Variants in LINGO2 observed in about 807,000 individuals in gnomAD.
LINGO2 encodes the protein leucine-rich repeat and immunoglobulin-like domain-containing nogo receptor-interacting protein 2.
LINGO2 carries 14 observed loss-of-function variants against 30.6 expected under a neutral mutation model. The observed-to-expected ratio is 0.46, with a 90% confidence interval of 0.30 to 0.72. LINGO2 has a LOEUF of 0.72. LINGO2 is among the 30% of genes least tolerant of loss of function. The pLI, the probability that LINGO2 is intolerant of heterozygous loss-of-function variation, is 0.07. For missense variants in LINGO2, 729 were observed against 751.7 expected, an observed-to-expected ratio of 0.97 and a Z score of 0.35; for synonymous variants, 317 against 288.5, an observed-to-expected ratio of 1.10 and a Z score of -1.00.
At chr9:28,873,946 A>G in the LINGO2 span, among the ~76,000 whole-genome samples, 1 of 152,132 alleles carries the variant, frequency 6.6e-6, no homozygotes, top group East Asian at 1.9e-4. Flanking sequence ...CTAATTGAAA[A>G]TACAAACATT....
chr9:28,053,138 C>T (rs1035881311), intron 4 of LINGO2, among the ~76,000 whole-genome samples: 1 of 152,054 alleles, frequency 6.6e-6, no homozygotes, highest in African/African-American at 2.4e-5. Flanking sequence ...CATAGGAAGG[C>T]TCCAGAATTT....
the LINGO2 span, among the ~76,000 whole-genome samples, chr9:29,148,635 A>C: frequency 6.6e-6 from 1 of 152,190 alleles, no homozygotes; most frequent in Non-Finnish European, 1.5e-5. Context: ...CAAGATGAAA[A>C]ACTAATGAAA....
At chr9:28,302,983 T>C (rs1179994985) in intron 3 of LINGO2, among the ~76,000 whole-genome samples, 2 of 152,120 alleles carry the variant, frequency 1.3e-5, no homozygotes, top group East Asian at 3.9e-4. Context: ...ATTGTATAGG[T>C]CTTACGCTTT....
chr9:28,481,723 C>A (rs925243390), intron 1 of LINGO2, among the ~76,000 whole-genome samples: 16 of 152,064 alleles, frequency 1.1e-4, no homozygotes, highest in Non-Finnish European at 1.9e-4. Flanking sequence ...GCTGCACCCA[C>A]TAACTCATCA....
At chr9:29,015,273 T>C in the LINGO2 span, among the ~76,000 whole-genome samples, 1 of 152,104 alleles carries the variant, frequency 6.6e-6, no homozygotes, top group African/African-American at 2.4e-5. Context: ...CATAACAAAA[T>C]TGCATCTGTA....
intron 4 of LINGO2, among the ~76,000 whole-genome samples, chr9:28,025,279 A>G (rs1276651895): frequency 2.0e-5 from 3 of 152,124 alleles, no homozygotes; most frequent in Non-Finnish European, 2.9e-5. Context: ...GGGGCCCTCA[A>G]TTCCTGCAGT....
chr9:28,627,878 C>T (rs960306905), intron 1 of LINGO2, among the ~76,000 whole-genome samples: 1 of 151,866 alleles, frequency 6.6e-6, no homozygotes, highest in Non-Finnish European at 1.5e-5. Context: ...ATTTTATTTT[C>T]CCTGTTGTTA....
the LINGO2 span, among the ~76,000 whole-genome samples, chr9:28,808,998 T>G: frequency 6.6e-6 from 1 of 152,182 alleles, no homozygotes; most frequent in African/African-American, 2.4e-5. Context: ...TATGCACTTA[T>G]GTATTTTTAT....
At chr9:29,175,884 C>T in the LINGO2 span, among the ~76,000 whole-genome samples, 1 of 151,994 alleles carries the variant, frequency 6.6e-6, no homozygotes, top group Non-Finnish European at 1.5e-5. Flanking sequence ...TCACAGCATG[C>T]CACTTTCTTT....
chr9:28,260,032 C>A (rs1822511372), intron 4 of LINGO2, among the ~76,000 whole-genome samples: 1 of 151,502 alleles, frequency 6.6e-6, no homozygotes, highest in Non-Finnish European at 1.5e-5. Flanking sequence ...TTTAAGATAC[C>A]CTGTTTGCCT....
Position 28,662,314 on chromosome 9 carries a change from G to T in LINGO2, c.-365+7886C>A, listed in dbSNP as rs184627064. 4.5e-4 allele frequency among the ~76,000 whole-genome samples: 69 copies of T among 152,194 alleles called. 1 individual carries two copies. In the East Asian group the frequency reaches 0.012, roughly 26 times the overall value. On this transcript the variant is annotated intron_variant, in intron 1 of 5. Coordinates refer to ENST00000379992, the Ensembl canonical transcript of LINGO2. ...CTGAGGGGAAAATTTGGAGTGAGTG[G>T]CACAATTATTTAGGCTACAAGCAAA...
chr9:28,190,082 A>G (rs1322082203), intron 4 of LINGO2, among the ~76,000 whole-genome samples: 1 of 152,128 alleles, frequency 6.6e-6, no homozygotes, highest in Non-Finnish European at 1.5e-5. Context: ...TTTCACAAAC[A>G]TGGATATTTT....
chr9:28,681,597 G>T, the LINGO2 span, among the ~76,000 whole-genome samples: 1 of 152,042 alleles, frequency 6.6e-6, no homozygotes, highest in Non-Finnish European at 1.5e-5. Flanking sequence ...GAAGAAAAGG[G>T]ACAGCTGGCT....
At chr9:28,021,906 T>G (rs1823145882) in intron 4 of LINGO2, among the ~76,000 whole-genome samples, 1 of 152,036 alleles carries the variant, frequency 6.6e-6, no homozygotes, top group Admixed American at 6.6e-5. Context: ...TTGTGTTTTG[T>G]TTTTGTATTT....
intron 3 of LINGO2, among the ~76,000 whole-genome samples, chr9:28,320,324 G>T (rs1490558807): frequency 6.6e-6 from 1 of 152,080 alleles, no homozygotes; most frequent in East Asian, 1.9e-4. Context: ...GAACTGAAGG[G>T]TTCTTAGAAA....
At chr9:29,155,267 T>A in the LINGO2 span, among the ~76,000 whole-genome samples, 1 of 152,166 alleles carries the variant, frequency 6.6e-6, no homozygotes, top group Non-Finnish European at 1.5e-5. Context: ...AATATGATGA[T>A]CTTTTTCTTC....
At chr9:28,235,869 C>T (rs1162176439) in intron 4 of LINGO2, among the ~76,000 whole-genome samples, 1 of 151,934 alleles carries the variant, frequency 6.6e-6, no homozygotes, top group Non-Finnish European at 1.5e-5. Flanking sequence ...GAGTTATTGA[C>T]CGTAAGGAGG....
chr9:28,455,196 T>G (rs1824799384), intron 2 of LINGO2, among the ~76,000 whole-genome samples: 3 of 151,940 alleles, frequency 2.0e-5, no homozygotes, highest in Admixed American at 6.6e-5. Context: ...AGACATCGGT[T>G]AAGGGACAAA....
At chr9:28,774,853 T>G in the LINGO2 span, among the ~76,000 whole-genome samples, 2 of 1,980 alleles carry the variant, frequency 1.0e-3, no homozygotes, top group Non-Finnish European at 0.012. Flanking sequence ...AAATTAATGT[T>G]TCCCCTATTT....
Sources: allele counts gnomAD v4.1 joint callset (sites outside exome capture counted in the v4.1 genomes callset), GRCh38; gene constraint gnomAD v4.1.1; transcripts MANE v1.5; gene names NCBI Gene and HGNC (gene_info 2026-07-23, HGNC 2026-07-21).